SHANK2: variants seen among roughly 807,000 people sequenced by gnomAD.
SHANK2 encodes the protein SH3 and multiple ankyrin repeat domains protein 2.
SHANK2 carries 43 observed loss-of-function variants against 133.7 expected under a neutral mutation model. The ratio of observed to expected loss-of-function variants is 0.32; its 90% CI spans 0.25 to 0.41. The LOEUF (loss-of-function observed/expected upper bound fraction) is 0.41. SHANK2 is among the 10% of genes least tolerant of loss of function. The pLI, the probability that SHANK2 is intolerant of heterozygous loss-of-function variation, is 1.00. For synonymous variants in SHANK2, 1,017 were observed against 952.8 expected (o/e 1.07, Z -1.24); for missense variants, 1,994 against 2,235.8 (o/e 0.89, Z 2.18).
intron 1 of SHANK2, among the ~76,000 whole-genome samples, chr11:71,225,441 G>A (rs1451979301): frequency 3.9e-5 from 6 of 152,326 alleles, no homozygotes; most frequent in Admixed American, 3.3e-4. Context: ...TAGGCAGCAT[G>A]GGGAGCCTGG....
At position 70,932,697 on chromosome 11, in the gene SHANK2, C is replaced by A. The variant is rs148396298; in HGVS notation, c.1108-36130G>T. On this transcript the variant is annotated intron_variant, in intron 10 of 25. Coordinates refer to ENST00000601538, the MANE Select transcript of SHANK2 (RefSeq NM_012309.5). The stretch of plus-strand genomic sequence containing the variant: ...GAGACCCCATGTGGGGACCACCTGG[C>A]GGGGCAGGGGCTCTCCTAACTACAC... 5.5e-3 allele frequency among the ~76,000 whole-genome samples: 833 copies of A among 152,266 alleles called. 6 individuals are homozygous for A. Among genetic ancestry groups the A allele is most frequent in the African/African-American group, 0.019 (793 of 41,542 alleles).
chr11:71,222,954 C>G (rs782173166), intron 2 of SHANK2, among the ~76,000 whole-genome samples: 2 of 152,248 alleles, frequency 1.3e-5, no homozygotes, highest in Non-Finnish European at 2.9e-5. Context: ...GCCAAGACAG[C>G]CAGGGAAGGC....
At chr11:71,232,756 T>C (rs1555123141) in intron 1 of SHANK2, among the ~76,000 whole-genome samples, 1 of 152,252 alleles carries the variant, frequency 6.6e-6, no homozygotes, top group African/African-American at 2.4e-5. Flanking sequence ...ATGGACTGTT[T>C]ATGTTATCTG....
chr11:71,201,115 C>T (rs1954010938), intron 2 of SHANK2, among the ~76,000 whole-genome samples: 1 of 152,144 alleles, frequency 6.6e-6, no homozygotes, highest in African/African-American at 2.4e-5. Flanking sequence ...AAAAATTCCT[C>T]CCAAGATGGA....
chr11:70,655,938 C>T (rs76084973), intron 17 of SHANK2, among the ~76,000 whole-genome samples: 153 of 152,248 alleles, frequency 1.0e-3, no homozygotes, highest in African/African-American at 3.5e-3. Flanking sequence ...GGGCTGGAGA[C>T]GAGGTTTCTA....
At chr11:71,220,895 C>A (rs963627870) in intron 2 of SHANK2, among the ~76,000 whole-genome samples, 1 of 152,132 alleles carries the variant, frequency 6.6e-6, no homozygotes. Flanking sequence ...CACTGAATGG[C>A]ACACTTTAAA....
chr11:71,188,362 C>A lies in SHANK2; in HGVS notation c.-13+36335G>T, dbSNP rs1359306719. Among the ~76,000 whole-genome samples, 3 of 152,136 alleles carry A rather than the reference C, an allele frequency of 2.0e-5. No individual in the cohort carries two copies. The highest frequency in any genetic ancestry group is 2.1e-4 in the South Asian group (1 of 4,820). ...CCCCAAACGCCCTCAGCAGCCCATG[C>A]CCAGGCCTCAGTACACACCATCCCT... On this transcript the variant is annotated intron_variant, in intron 2 of 25. Coordinates refer to ENST00000601538, the MANE Select transcript of SHANK2 (RefSeq NM_012309.5). This position sits in a 1 kb window ranked among gnomAD's most constrained non-coding sequence, Gnocchi z 4.6.
At chr11:71,229,536 C>T (rs1272900489) in intron 1 of SHANK2, among the ~76,000 whole-genome samples, 3 of 151,870 alleles carry the variant, frequency 2.0e-5, no homozygotes, top group African/African-American at 4.8e-5. Context: ...TCTGGGAGGC[C>T]GAGGTGGGTG....
intron 11 of SHANK2, among the ~76,000 whole-genome samples, chr11:70,849,270 A>AC (rs1327279937): frequency 1.3e-5 from 2 of 152,134 alleles, no homozygotes; most frequent in Non-Finnish European, 2.9e-5. Flanking sequence ...ACACAGTGAG[A>AC]CCCCATCTCA....
chr11:70,636,697 ACGTGTG>A (rs67852913), intron 17 of SHANK2, among the ~76,000 whole-genome samples: 63,190 of 150,914 alleles, frequency 0.42, 13,513 homozygotes, highest in Middle Eastern at 0.5. Flanking sequence ...ATGTGTAAGC[ACGTGTG>A]TGAACATATG....
At chr11:70,844,563 C>A (rs80105331) in intron 11 of SHANK2, among the ~76,000 whole-genome samples, 1 of 152,326 alleles carries the variant, frequency 6.6e-6, no homozygotes, top group African/African-American at 2.4e-5. Flanking sequence ...ACACTGAGCA[C>A]CTGGCCCTCC....
At chr11:71,218,945 CAG>C in intron 2 of SHANK2, among the ~76,000 whole-genome samples, 1 of 152,320 alleles carries the variant, frequency 6.6e-6, no homozygotes, top group Non-Finnish European at 1.5e-5. Context: ...GTAGGGCACC[CAG>C]AGAGAGTGGC....
chr11:70,487,765 A>G lies in SHANK2; in HGVS notation c.2573-45T>C, dbSNP rs1032222571. The G allele has an allele frequency of 1.9e-6, 3 of 1,550,284 alleles. No homozygotes were observed. In the Admixed American group the frequency reaches 5.9e-5, roughly 30 times the overall value. On this transcript the variant is annotated intron_variant, in intron 24 of 25. Transcript: ENST00000601538. The surrounding 1 kb of genome is among the most constrained non-coding windows in gnomAD (Gnocchi z 5.8). The stretch of plus-strand genomic sequence containing the variant: ...TTAGCTTTAAGTCACAATAGCAACA[A>G]AGCCTAAGTTCCTAGGAACGTGCGA...
At chr11:70,711,713 C>A (rs922609926) in intron 14 of SHANK2, among the ~76,000 whole-genome samples, 1 of 152,252 alleles carries the variant, frequency 6.6e-6, no homozygotes, top group African/African-American at 2.4e-5. Context: ...AACTACCCAA[C>A]TGAGAGGCAC....
intron 14 of SHANK2, among the ~76,000 whole-genome samples, chr11:70,756,326 A>G (rs1555038914): frequency 6.6e-6 from 1 of 152,102 alleles, no homozygotes; most frequent in Non-Finnish European, 1.5e-5. Flanking sequence ...TTAGAGGCAC[A>G]TTTTCTGAAA....
intron 17 of SHANK2, among the ~76,000 whole-genome samples, chr11:70,548,295 G>C (rs1027764485): frequency 6.6e-6 from 1 of 152,240 alleles, no homozygotes; most frequent in Non-Finnish European, 1.5e-5. Context: ...TGACACAGAC[G>C]TGCACACACA....
intron 11 of SHANK2, chr11:70,862,755 G>A (rs1185977857): frequency 1.1e-5 from 3 of 278,032 alleles, no homozygotes; most frequent in South Asian, 3.0e-5. Context: ...TGCTTGGGGT[G>A]GGGGTGGGGA....
At chr11:70,640,199 T>G (rs900001757) in intron 17 of SHANK2, among the ~76,000 whole-genome samples, 4 of 151,566 alleles carry the variant, frequency 2.6e-5, no homozygotes, top group South Asian at 2.1e-4. Flanking sequence ...CAGACATAAT[T>G]AAGTTAAGGA....
At chr11:70,638,857 C>G (rs1555005275) in intron 17 of SHANK2, among the ~76,000 whole-genome samples, 2 of 151,986 alleles carry the variant, frequency 1.3e-5, no homozygotes, top group African/African-American at 4.8e-5. Context: ...ATTAGCTGGG[C>G]ATGGTTGCAG....
Sources: allele counts gnomAD v4.1 joint callset (sites outside exome capture counted in the v4.1 genomes callset), GRCh38; gene constraint gnomAD v4.1.1; non-coding constraint Gnocchi (gnomAD v3.1); transcripts MANE v1.5; gene names NCBI Gene and HGNC (gene_info 2026-07-23, HGNC 2026-07-21).